Variants in ITPRID1 observed in about 807,000 individuals in gnomAD.
ITPRID1 encodes the protein protein ITPRID1.
Under a neutral mutation model 95.4 loss-of-function variants are expected in ITPRID1, and 96 were observed. That is an observed-to-expected ratio of 1.01 (90% confidence interval 0.85 to 1.19). The LOEUF (loss-of-function observed/expected upper bound fraction) is 1.19, where lower values mean the gene tolerates loss of function less well. Ranked by LOEUF, ITPRID1 falls within the 50% of genes most tolerant of loss-of-function variation. The pLI, the probability that ITPRID1 is intolerant of heterozygous loss-of-function variation, is 0.00. For missense variants in ITPRID1, 1,339 were observed against 1,252.9 expected (o/e 1.07, Z -1.04); for synonymous variants, 510 against 453.6 (o/e 1.12, Z -1.58).
At chr7:31,586,680 T>C (rs1785625255) in intron 10 of ITPRID1, among the ~76,000 whole-genome samples, 1 of 152,214 alleles carries the variant, frequency 6.6e-6, no homozygotes, top group African/African-American at 2.4e-5. Context: ...CACTTTTTGA[T>C]GGGGTTGTCT....
intron 6 of ITPRID1, among the ~76,000 whole-genome samples, chr7:31,570,872 G>A (rs950018340): frequency 6.6e-6 from 1 of 152,056 alleles, no homozygotes. Context: ...TGAAAACTGA[G>A]GTGGGGCAAT....
At chr7:31,622,923 T>C (rs1228924270) in intron 10 of ITPRID1, among the ~76,000 whole-genome samples, 1 of 152,090 alleles carries the variant, frequency 6.6e-6, no homozygotes, top group Non-Finnish European at 1.5e-5. Flanking sequence ...ATAAAGGGGA[T>C]ATCACCACCA....
At chr7:31,562,044 T>TAAA (rs33912394) in intron 5 of ITPRID1, among the ~76,000 whole-genome samples, 5 of 52,548 alleles carry the variant, frequency 9.5e-5, no homozygotes, top group African/African-American at 2.8e-4. Flanking sequence ...GCTATGTATT[T>TAAA]AAAAAAAAAA....
chr7:31,643,768 G>T lies in ITPRID1; in HGVS notation c.2398G>T (p.Ala800Ser). 2 of 1,614,004 alleles carry T rather than the reference G, an allele frequency of 1.2e-6. No individual in the cohort carries two copies. Among genetic ancestry groups the T allele is most frequent in the Non-Finnish European group, 8.5e-7 (1 of 1,179,894 alleles). ...SSICPMGTCH[A>S]IPAHCCICCH... ...TATCTGCCCAATGGGCACCTGCCAT[G>T]CTATACCTGCCCACTGCTGCATCTG... is the stretch of plus-strand genomic sequence containing the variant. The change falls in exon 12 of 15, where the codon GCT (alanine) becomes TCT (serine). Residue 800 changes from alanine (A) to serine (S), a missense_variant. Coordinates refer to ENST00000615280, the MANE Select transcript of ITPRID1 (RefSeq NM_001257967.3).
At chr7:31,621,981 AC>A (rs1393678718) in intron 10 of ITPRID1, among the ~76,000 whole-genome samples, 10 of 145,916 alleles carry the variant, frequency 6.9e-5, no homozygotes, top group Admixed American at 6.9e-5. Flanking sequence ...CAGACTTTAA[AC>A]CAACAAAGAT....
intron 10 of ITPRID1, among the ~76,000 whole-genome samples, chr7:31,619,798 G>A (rs547628072): frequency 2.6e-4 from 39 of 152,266 alleles, no homozygotes; most frequent in Non-Finnish European, 3.1e-4. Flanking sequence ...CTGAAGCAGC[G>A]CGAGGCATTG....
chr7:31,542,940 C>T (rs1279106726), intron 1 of ITPRID1, among the ~76,000 whole-genome samples: 1 of 152,122 alleles, frequency 6.6e-6, no homozygotes, highest in Non-Finnish European at 1.5e-5. Flanking sequence ...GATTTAAGCA[C>T]TTATTTTTCT....
At chr7:31,536,783 T>G (rs1259938890) in intron 1 of ITPRID1, among the ~76,000 whole-genome samples, 2 of 152,024 alleles carry the variant, frequency 1.3e-5, no homozygotes, top group Non-Finnish European at 2.9e-5. Flanking sequence ...GGGGCTGGGA[T>G]TTTTGAGTTT....
At chr7:31,594,439 A>C (rs748891188) in intron 10 of ITPRID1, among the ~76,000 whole-genome samples, 2 of 152,144 alleles carry the variant, frequency 1.3e-5, no homozygotes, top group African/African-American at 2.4e-5. Flanking sequence ...TAAAAGGAAA[A>C]CTGATACGTT....
At chr7:31,541,010 T>C (rs1159603661) in intron 1 of ITPRID1, among the ~76,000 whole-genome samples, 2 of 152,196 alleles carry the variant, frequency 1.3e-5, no homozygotes, top group Non-Finnish European at 2.9e-5. Context: ...AGAAAACAGA[T>C]TTTTACTGCA....
At chr7:31,624,087 G>C (rs38360) in intron 10 of ITPRID1, among the ~76,000 whole-genome samples, 42,018 of 150,104 alleles carry the variant, frequency 0.28, 6,204 homozygotes, top group Non-Finnish European at 0.33. Context: ...CCTCTTCAAG[G>C]AGAACTACAA....
chr7:31,606,775 T>A (rs1043530041), intron 10 of ITPRID1, among the ~76,000 whole-genome samples: 7 of 152,172 alleles, frequency 4.6e-5, no homozygotes, highest in Non-Finnish European at 1.0e-4. Context: ...CCAAGGTATT[T>A]CCAGCAAAGG....
chr7:31,523,524 T>C (rs900429353), intron 1 of ITPRID1, among the ~76,000 whole-genome samples: 1 of 152,164 alleles, frequency 6.6e-6, no homozygotes, highest in Non-Finnish European at 1.5e-5. Context: ...CCAAATCTCA[T>C]GTTGAAATGG....
intron 7 of ITPRID1, among the ~76,000 whole-genome samples, chr7:31,573,234 G>A (rs987090373): frequency 6.6e-6 from 1 of 152,160 alleles, no homozygotes. Context: ...TATTTCAGAT[G>A]TTCTCACCAC....
At chr7:31,639,310 G>A (rs1414839038) in intron 10 of ITPRID1, among the ~76,000 whole-genome samples, 1 of 151,880 alleles carries the variant, frequency 6.6e-6, no homozygotes, top group Non-Finnish European at 1.5e-5. Context: ...TGTTTCATTT[G>A]GGATAGCTTC....
chr7:31,546,743 C>T (rs930662732), intron 1 of ITPRID1, among the ~76,000 whole-genome samples: 5 of 152,004 alleles, frequency 3.3e-5, no homozygotes, highest in African/African-American at 1.2e-4. Flanking sequence ...GAAAATCTCA[C>T]GATGGTTAAA....
intron 10 of ITPRID1, among the ~76,000 whole-genome samples, chr7:31,628,857 G>T (rs1788735673): frequency 6.6e-6 from 1 of 152,140 alleles, no homozygotes; most frequent in South Asian, 2.1e-4. Context: ...CTTACTGTCT[G>T]AACATTTGAT....
chr7:31,539,765 A>G (rs1783872754), intron 1 of ITPRID1, among the ~76,000 whole-genome samples: 1 of 152,268 alleles, frequency 6.6e-6, no homozygotes, highest in Non-Finnish European at 1.5e-5. Context: ...AGACAGCTTA[A>G]TCACAGGCTC....
chr7:31,652,039 G>A lies in ITPRID1; in HGVS notation c.2812G>A (p.Gly938Arg), dbSNP rs1791006482. The change falls in exon 14 of 15, where the codon GGG (glycine) becomes AGG (arginine). Residue 938 changes from glycine (G) to arginine (R), a missense_variant. Coordinates refer to ENST00000615280, the MANE Select transcript of ITPRID1 (RefSeq NM_001257967.3). ...LGDRAQQIRE[G>R]ILLQLEVLTA... ...AGACCGGGCTCAGCAAATCAGAGAAGGGATTTTACTGGTATGGGTGATGGG... is the reference window on the plus strand; with the variant it reads ...AGACCGGGCTCAGCAAATCAGAGAAAGGATTTTACTGGTATGGGTGATGGG... 2 of 1,597,578 alleles carry A rather than the reference G, an allele frequency of 1.3e-6. No individual in the cohort carries two copies. Among genetic ancestry groups the A allele is most frequent in the Non-Finnish European group, 1.7e-6 (2 of 1,171,830 alleles).
Sources: allele counts gnomAD v4.1 joint callset (sites outside exome capture counted in the v4.1 genomes callset), GRCh38; gene constraint gnomAD v4.1.1; transcripts MANE v1.5; gene names NCBI Gene and HGNC (gene_info 2026-07-23, HGNC 2026-07-21).